PAPOLA: variants seen among roughly 807,000 people sequenced by gnomAD.
PAPOLA encodes the protein poly(A) polymerase alpha.
A neutral mutation model predicts 100.6 loss-of-function variants in PAPOLA; 15 were observed. The ratio of observed to expected loss-of-function variants is 0.15; its 90% CI spans 0.10 to 0.23. The LOEUF (loss-of-function observed/expected upper bound fraction) is 0.23, where lower values mean the gene tolerates loss of function less well. Ranked by LOEUF, PAPOLA falls within the 10% of genes least tolerant of loss-of-function variation. The pLI is 1.00. For missense variants in PAPOLA, 533 were observed against 884.2 expected, an observed-to-expected ratio of 0.60 and a Z score of 5.04; for synonymous variants, 293 against 300.0, an observed-to-expected ratio of 0.98 and a Z score of 0.24.
rs74086716 is a variant in PAPOLA at position 96,542,570 on chromosome 14, G to A, written c.1170-204G>A. 1,771 of 559,806 alleles carry A rather than the reference G, an allele frequency of 3.2e-3. 31 individuals carry two copies. The highest frequency in any genetic ancestry group is 0.03 in the African/African-American group (1,554 of 51,122). 34.7% of individuals were successfully genotyped at this position (559,806 alleles called of 1,614,324 possible). ...TTGTTTTTCTTAAAATTTTTGTGTGGATAACTTTTGTAACCTTGCTGGTGT... is the reference window on the plus strand; with the variant it reads ...TTGTTTTTCTTAAAATTTTTGTGTGAATAACTTTTGTAACCTTGCTGGTGT... On this transcript the variant is annotated intron_variant, in intron 13 of 21. Coordinates refer to ENST00000216277, the MANE Select transcript of PAPOLA (RefSeq NM_032632.5).
At chr14:96,531,857 T>G in intron 7 of PAPOLA, 1 of 1,389,634 alleles carries the variant, frequency 7.2e-7, no homozygotes, top group Non-Finnish European at 9.3e-7. Flanking sequence ...TGCTAGTGAT[T>G]TAGGTTTCAT....
At chr14:96,530,859 G>T (rs964641025) in intron 6 of PAPOLA, among the ~76,000 whole-genome samples, 1 of 152,164 alleles carries the variant, frequency 6.6e-6, no homozygotes, top group African/African-American at 2.4e-5. Context: ...CTGTCACCCA[G>T]GCTGGAGTGC....
intron 1 of PAPOLA, among the ~76,000 whole-genome samples, chr14:96,519,560 A>G (rs1897769844): frequency 6.6e-6 from 1 of 152,172 alleles, no homozygotes; most frequent in Admixed American, 6.5e-5. Flanking sequence ...CTTAAGGTAT[A>G]TTCACCCTAA....
chr14:96,508,917 A>G (rs891894900), intron 1 of PAPOLA, among the ~76,000 whole-genome samples: 2 of 152,244 alleles, frequency 1.3e-5, no homozygotes, highest in Non-Finnish European at 2.9e-5. Flanking sequence ...TCATAAAGGT[A>G]CTAAATTGTA....
chr14:96,534,849 G>A, intron 10 of PAPOLA: 5 of 1,121,724 alleles, frequency 4.5e-6, no homozygotes, highest in Non-Finnish European at 5.5e-6. Context: ...TCAAAGTTGT[G>A]TGGGCATTTG....
intron 6 of PAPOLA, 46 bp from the exon 7 acceptor site, chr14:96,531,428 TA>T: frequency 7.0e-7 from 1 of 1,426,486 alleles, no homozygotes; most frequent in Non-Finnish European, 9.6e-7. Flanking sequence ...AGAAATGCCT[TA>T]AAAGTAGTTT....
At chr14:96,554,193 T>C (rs1867538197) in intron 17 of PAPOLA, among the ~76,000 whole-genome samples, 2 of 152,244 alleles carry the variant, frequency 1.3e-5, no homozygotes, top group African/African-American at 4.8e-5. Flanking sequence ...ATAAAACTTC[T>C]GGGTTTTTAG....
chr14:96,536,855 CTA>C, intron 11 of PAPOLA, 119 bp from the exon 12 acceptor site: 2 of 624,074 alleles, frequency 3.2e-6, no homozygotes, highest in South Asian at 2.0e-5. Flanking sequence ...TAAGCTAAAA[CTA>C]TATATGTTAA....
In PAPOLA at chr14:96,537,068, T is replaced by C; in HGVS notation, c.1115+8T>C. 6.7e-7 allele frequency: 1 copy of C among 1,485,298 alleles called. No individual in the cohort carries two copies. The highest frequency in any genetic ancestry group is 9.4e-7 in the Non-Finnish European group (1 of 1,062,564). The allele number at this position is 1,485,298 out of a possible 1,614,324, so 92.0% of individuals were successfully genotyped here. On this transcript the variant is annotated splice_region_variant and intron_variant, in intron 12 of 21. Coordinates refer to ENST00000216277, the MANE Select transcript of PAPOLA (RefSeq NM_032632.5). ...CTTCTTTCAAAAGTACAAGTATGTA[T>C]TTTAAGGCATGTCGGACATGTTGCT...
chr14:96,536,801 T>A (rs538808926), intron 11 of PAPOLA, 175 bp from the exon 12 acceptor site: 51 of 395,352 alleles, frequency 1.3e-4, no homozygotes, highest in Non-Finnish European at 1.7e-4. Context: ...TCCAGCTTTT[T>A]AAAAAAAAAA....
At chr14:96,564,544 T>C (rs1051954053) in intron 21 of PAPOLA, among the ~76,000 whole-genome samples, 17 of 152,132 alleles carry the variant, frequency 1.1e-4, no homozygotes, top group African/African-American at 4.1e-4. Flanking sequence ...CTGCTGCTTC[T>C]GTATATAAAA....
intron 1 of PAPOLA, among the ~76,000 whole-genome samples, chr14:96,516,231 A>G (rs1389000823): frequency 1.3e-5 from 2 of 152,212 alleles, no homozygotes; most frequent in African/African-American, 4.8e-5. Flanking sequence ...ATGCTGAGCC[A>G]TTTTTATTGG....
At chr14:96,535,305 T>G in intron 10 of PAPOLA, 3 of 984,682 alleles carry the variant, frequency 3.0e-6, no homozygotes, top group Non-Finnish European at 3.6e-6. Context: ...GCATTTACTT[T>G]TAGAGGATGT....
At chr14:96,535,520 G>C (rs1273728048) in intron 10 of PAPOLA, 1 of 990,628 alleles carries the variant, frequency 1.0e-6, no homozygotes, top group African/African-American at 1.7e-5. Flanking sequence ...ACAAAACATT[G>C]TAGCATGACA....
At chr14:96,508,295 C>G (rs74821800) in intron 1 of PAPOLA, among the ~76,000 whole-genome samples, 5 of 152,162 alleles carry the variant, frequency 3.3e-5, no homozygotes, top group Admixed American at 6.5e-5. Context: ...AGTAGATAAC[C>G]TTTAGGAAAG....
Position 96,556,020 on chromosome 14 carries a change from G to C in PAPOLA, c.1765+73G>C, listed in dbSNP as rs117456818. The C allele has an allele frequency of 6.5e-3, 7,879 of 1,204,866 alleles. 43 individuals are homozygous for C. Among genetic ancestry groups the C allele is most frequent in the Middle Eastern group, 8.8e-3 (46 of 5,212 alleles). The allele number at this position is 1,204,866 out of a possible 1,614,324, so 74.6% of individuals were successfully genotyped here. A position where few individuals can be genotyped will look rare whatever the true frequency, so the allele number is the denominator to read the frequency against. On this transcript the variant is annotated intron_variant, in intron 18 of 21. Transcript: ENST00000216277. ...GGTTTAGCCTTCATTTTGAAAAGTG[G>C]GTTTGTTAAGTAGTTGAAATTCAGT...
In PAPOLA at chr14:96,542,314, CTT is replaced by C. The variant is rs781757741; in HGVS notation, c.1169+20_1169+21del. On this transcript the variant is annotated intron_variant, in intron 13 of 21. Coordinates refer to ENST00000216277, the MANE Select transcript of PAPOLA (RefSeq NM_032632.5). ...CTGGAATGGTGAGTATAAGAATAGACTTTACAGAAAAAGCAAACTTCAAAATG... is the reference window on the plus strand; with the variant it reads ...CTGGAATGGTGAGTATAAGAATAGACTACAGAAAAAGCAAACTTCAAAATG... The C allele has an allele frequency of 4.0e-5, 62 of 1,541,882 alleles. No individual in the cohort carries two copies. In the South Asian group the frequency reaches 5.1e-4, roughly 13 times the overall value.
intron 1 of PAPOLA, among the ~76,000 whole-genome samples, chr14:96,517,159 G>C (rs1897534586): frequency 6.6e-6 from 1 of 152,158 alleles, no homozygotes; most frequent in Admixed American, 6.5e-5. Flanking sequence ...GCTTGAACCA[G>C]ATCTAGCCTA....
chr14:96,555,781 T>C (rs1288252004), intron 17 of PAPOLA, 66 bp from the exon 18 acceptor site: 4 of 791,754 alleles, frequency 5.1e-6, no homozygotes, highest in Non-Finnish European at 8.1e-6. Flanking sequence ...TTATAGATTA[T>C]TGTAATTTTT....
Sources: allele counts gnomAD v4.1 joint callset (sites outside exome capture counted in the v4.1 genomes callset), GRCh38; gene constraint gnomAD v4.1.1; transcripts MANE v1.5; gene names NCBI Gene and HGNC (gene_info 2026-07-23, HGNC 2026-07-21).